The following ATAD1 variants were observed in gnomAD, a reference collection of about 807,000 sequenced individuals.
ATAD1 encodes the protein outer mitochondrial transmembrane helix translocase.
Under a neutral mutation model 42.7 loss-of-function variants are expected in ATAD1, and 18 were observed. The ratio of observed to expected loss-of-function variants is 0.42; its 90% confidence interval spans 0.29 to 0.63. The LOEUF is 0.63. ATAD1 is among the 20% of genes least tolerant of loss of function. ATAD1 has a pLI of 0.19. For missense variants in ATAD1, 294 were observed against 440.4 expected, an observed-to-expected ratio of 0.67 and a Z score of 2.98; for synonymous variants, 132 against 143.1, an observed-to-expected ratio of 0.92 and a Z score of 0.55.
At chr10:87,783,544 T>C (rs1855671406) in intron 5 of ATAD1, among the ~76,000 whole-genome samples, 1 of 151,954 alleles carries the variant, frequency 6.6e-6, no homozygotes, top group Non-Finnish European at 1.5e-5. Context: ...CATATTTACA[T>C]AGCCTATCAT....
intron 2 of ATAD1, among the ~76,000 whole-genome samples, chr10:87,813,485 G>T (rs1250133093): frequency 1.3e-5 from 2 of 151,654 alleles, no homozygotes; most frequent in Admixed American, 6.6e-5. Context: ...TCTCCAAAGT[G>T]CCTTTCAGAT....
At chr10:87,819,454 A>G (rs917850840), upstream of ATAD1, among the ~76,000 whole-genome samples, 2 of 152,084 alleles carry the variant, frequency 1.3e-5, no homozygotes, top group African/African-American at 4.8e-5. Flanking sequence ...CAATAATAAT[A>G]ACAATTTTGC....
At chr10:87,799,616 C>G (rs1019570090) in intron 2 of ATAD1, among the ~76,000 whole-genome samples, 1 of 152,074 alleles carries the variant, frequency 6.6e-6, no homozygotes, top group Non-Finnish European at 1.5e-5. Flanking sequence ...AATGGTGGTT[C>G]TGTAACTTTA....
In ATAD1 at chr10:87,826,682, A is replaced by G. The variant is rs551535433; in HGVS notation, c.-13-12070T>C. ...TATGTTACATAAACTAGCTTTCCAT[A>G]TATAGTCATCATAGTGTCCTCACAG... On this transcript the variant is annotated intron_variant, in intron 1 of 4. Transcript: ENST00000495903. Among the ~76,000 whole-genome samples, 16 of 152,260 alleles carry G rather than the reference A, an allele frequency of 1.1e-4. No homozygotes were observed. The East Asian group carries it at 2.9e-3, about 28-fold the overall frequency.
intron 3 of ATAD1, among the ~76,000 whole-genome samples, chr10:87,791,329 T>A (rs1348179067): frequency 1.3e-5 from 2 of 152,092 alleles, no homozygotes; most frequent in African/African-American, 4.8e-5. Flanking sequence ...CTGAAAGGAC[T>A]GGCACTTGTC....
At chr10:87,790,266 T>C (rs757630341) in intron 4 of ATAD1, 44 bp downstream of exon 4, 1 of 1,586,782 alleles carries the variant, frequency 6.3e-7, no homozygotes, top group Non-Finnish European at 8.5e-7. Context: ...TTCAATGTTT[T>C]CTAGGATTTT....
intron 2 of ATAD1, among the ~76,000 whole-genome samples, chr10:87,802,592 G>A (rs990042754): frequency 4.0e-5 from 6 of 150,648 alleles, no homozygotes; most frequent in Non-Finnish European, 7.4e-5. Flanking sequence ...GATCACCCCC[G>A]AGATCCCGCC....
intron 8 of ATAD1, among the ~76,000 whole-genome samples, chr10:87,761,886 G>A (rs749131686): frequency 6.6e-5 from 10 of 151,690 alleles, no homozygotes; most frequent in Non-Finnish European, 1.2e-4. Context: ...TCAGCCTCCC[G>A]AGTAACTAGG....
At chr10:87,807,676 T>C (rs1856988233) in intron 2 of ATAD1, among the ~76,000 whole-genome samples, 1 of 152,188 alleles carries the variant, frequency 6.6e-6, no homozygotes, top group South Asian at 2.1e-4. Flanking sequence ...ATGTCCTCAG[T>C]ACAAATCTTT....
At chr10:87,782,131 C>T (rs775777182) in intron 5 of ATAD1, among the ~76,000 whole-genome samples, 1 of 151,948 alleles carries the variant, frequency 6.6e-6, no homozygotes, top group Non-Finnish European at 1.5e-5. Flanking sequence ...AATCTAACAG[C>T]AACTAGAGAG....
At chr10:87,775,710 GCTCT>G (rs1191968689) in intron 6 of ATAD1, among the ~76,000 whole-genome samples, 2 of 151,978 alleles carry the variant, frequency 1.3e-5, no homozygotes, top group African/African-American at 2.4e-5. Flanking sequence ...GAAAAATAAA[GCTCT>G]CTTTCTCTTT....
At chr10:87,804,905 T>A (rs758718210) in intron 2 of ATAD1, among the ~76,000 whole-genome samples, 1 of 152,048 alleles carries the variant, frequency 6.6e-6, no homozygotes, top group Non-Finnish European at 1.5e-5. Context: ...GTTGAAACCA[T>A]CTCCTCTCTC....
intron 2 of ATAD1, among the ~76,000 whole-genome samples, chr10:87,809,216 C>A (rs1463535418): frequency 2.6e-5 from 4 of 152,162 alleles, no homozygotes; most frequent in African/African-American, 9.7e-5. Flanking sequence ...CTGACCCCAA[C>A]ACACTCAAAA....
chr10:87,755,921 T>C (rs1854201249), intron 9 of ATAD1, among the ~76,000 whole-genome samples: 1 of 151,952 alleles, frequency 6.6e-6, no homozygotes, highest in Non-Finnish European at 1.5e-5. Context: ...AATAAAACCT[T>C]TGGAAGGTAG....
chr10:87,762,920 T>A (rs1381507847), intron 8 of ATAD1, among the ~76,000 whole-genome samples: 16 of 126,312 alleles, frequency 1.3e-4, no homozygotes, highest in African/African-American at 1.8e-4. Context: ...AAAAAAAAAA[T>A]ATATATATAT....
At chr10:87,827,461 G>A (rs1245567061) in intron 1 of ATAD1, among the ~76,000 whole-genome samples, 1 of 152,146 alleles carries the variant, frequency 6.6e-6, no homozygotes, top group African/African-American at 2.4e-5. Flanking sequence ...TCTAGCTAGT[G>A]TGTCAGTGCC....
chr10:87,769,165 T>C (rs1854911025), intron 7 of ATAD1, among the ~76,000 whole-genome samples: 1 of 152,230 alleles, frequency 6.6e-6, no homozygotes, highest in Non-Finnish European at 1.5e-5. Flanking sequence ...TCAGAACCAA[T>C]TAGGTAAACA....
intron 3 of ATAD1, among the ~76,000 whole-genome samples, chr10:87,791,610 G>A (rs1435638913): frequency 2.0e-5 from 3 of 152,170 alleles, no homozygotes; most frequent in Non-Finnish European, 4.4e-5. Flanking sequence ...GTGTGTGTAT[G>A]TCTCTGTATA....
chr10:87,794,385 A>G (rs1856279445), intron 2 of ATAD1, among the ~76,000 whole-genome samples: 1 of 152,176 alleles, frequency 6.6e-6, no homozygotes, highest in Non-Finnish European at 1.5e-5. Context: ...TTTACATGTC[A>G]GTTAAAAAAG....
Sources: gnomAD v4.1 joint callset for allele counts (sites outside exome capture counted in the v4.1 genomes callset) on GRCh38, gnomAD v4.1.1 for gene constraint, MANE v1.5 for transcripts, NCBI Gene and HGNC (gene_info 2026-07-23, HGNC 2026-07-21) for gene names.